The following VGLL4 variants were observed in gnomAD, a reference collection of about 807,000 sequenced individuals.
VGLL4 encodes transcription cofactor vestigial-like protein 4.
Under a neutral mutation model 21.0 loss-of-function variants are expected in VGLL4, and 7 were observed. That is an observed-to-expected ratio of 0.33 (90% CI 0.19 to 0.63). VGLL4 has a LOEUF of 0.63. Among genes scored for constraint, VGLL4 ranks in the 20% least tolerant of loss-of-function variants. The probability of loss-of-function intolerance (pLI) is 0.78; values close to 1 mark genes in which losing one functional copy is unlikely to be tolerated. For synonymous variants in VGLL4, 222 were observed against 173.2 expected (o/e 1.28, Z -2.21); for missense variants, 394 against 425.7 (o/e 0.93, Z 0.66).
At chr3:11,573,949 C>T (rs2073952055) in intron 2 of VGLL4, among the ~76,000 whole-genome samples, 1 of 152,162 alleles carries the variant, frequency 6.6e-6, no homozygotes, top group South Asian at 2.1e-4. Context: ...GATACAGTGA[C>T]AGACACATAC....
intron 1 of VGLL4, among the ~76,000 whole-genome samples, chr3:11,626,011 T>C (rs1423969486): frequency 6.6e-6 from 1 of 152,198 alleles, no homozygotes; most frequent in East Asian, 1.9e-4. Context: ...TACCATTAAA[T>C]TGTATAATTT....
At chr3:11,620,128 A>G (rs1473705261) in intron 1 of VGLL4, among the ~76,000 whole-genome samples, 1 of 152,004 alleles carries the variant, frequency 6.6e-6, no homozygotes, top group East Asian at 1.9e-4. Flanking sequence ...TTCATTTCGT[A>G]CTCCTATTTA....
At chr3:11,654,008 A>C (rs746222776) in intron 2 of VGLL4, among the ~76,000 whole-genome samples, 1 of 152,150 alleles carries the variant, frequency 6.6e-6, no homozygotes, top group Non-Finnish European at 1.5e-5. Context: ...GTTATTTCAA[A>C]TTTGGGGGTG....
chr3:11,715,956 GCATTTTAGCAC>G (rs1277032758), intron 1 of VGLL4, among the ~76,000 whole-genome samples: 1 of 152,046 alleles, frequency 6.6e-6, no homozygotes, highest in African/African-American at 2.4e-5. Context: ...ACATTAGACA[GCATTTTAGCAC>G]CATACTTACG....
chr3:11,655,519 C>T (rs1221691968), intron 2 of VGLL4, among the ~76,000 whole-genome samples: 6 of 152,224 alleles, frequency 3.9e-5, no homozygotes, highest in Admixed American at 3.9e-4. Context: ...CCACCACCCC[C>T]ATTCTCAGCC....
In VGLL4 at chr3:11,568,944, G is replaced by A. The variant is rs548187007; in HGVS notation, c.273-3925C>T. 2.8e-4 allele frequency: 345 copies of A among 1,220,920 alleles called. No homozygotes were observed. Among genetic ancestry groups the A allele is most frequent in the African/African-American group, 4.8e-4 (31 of 64,528 alleles). 75.6% of individuals were successfully genotyped at this position (1,220,920 alleles called of 1,614,324 possible). ...GGCACTTCCACTGCCAGCTGCCCAC[G>A]GAGAGAAAGATGGAAAGAGGAGGGA... On this transcript the variant is annotated intron_variant, in intron 2 of 4. Coordinates refer to ENST00000430365, the MANE Select transcript of VGLL4 (RefSeq NM_001128219.3). This position sits in a 1 kb window ranked among gnomAD's most constrained non-coding sequence, Gnocchi z 5.9.
At chr3:11,567,670 T>C (rs1213304450) in intron 2 of VGLL4, among the ~76,000 whole-genome samples, 2 of 152,204 alleles carry the variant, frequency 1.3e-5, no homozygotes, top group African/African-American at 4.8e-5. Flanking sequence ...CAGACACCGA[T>C]GTCACCAGAA....
At chr3:11,690,074 T>C (rs1383381056) in intron 2 of VGLL4, among the ~76,000 whole-genome samples, 2 of 152,224 alleles carry the variant, frequency 1.3e-5, no homozygotes, top group Non-Finnish European at 2.9e-5. Context: ...ATTGTATAAA[T>C]GTAATGCTTC....
intron 1 of VGLL4, among the ~76,000 whole-genome samples, chr3:11,630,198 T>C (rs964065555): frequency 2.0e-5 from 3 of 152,190 alleles, no homozygotes; most frequent in Non-Finnish European, 4.4e-5. Flanking sequence ...GGAATATATC[T>C]TTTTTTCACA....
At chr3:11,676,169 C>T (rs900830032) in intron 2 of VGLL4, among the ~76,000 whole-genome samples, 14 of 152,088 alleles carry the variant, frequency 9.2e-5, no homozygotes, top group African/African-American at 2.2e-4. Flanking sequence ...GTGTGGATCA[C>T]GAGGTCAGGA....
chr3:11,716,737 G>A (rs887175159), intron 1 of VGLL4, among the ~76,000 whole-genome samples: 1 of 152,006 alleles, frequency 6.6e-6, no homozygotes, highest in African/African-American at 2.4e-5. Context: ...TACCTTGGCA[G>A]TTTGTATCTG....
At chr3:11,656,057 C>T (rs2075952512) in intron 2 of VGLL4, among the ~76,000 whole-genome samples, 1 of 152,126 alleles carries the variant, frequency 6.6e-6, no homozygotes, top group Non-Finnish European at 1.5e-5. Flanking sequence ...CAGGAGGGAG[C>T]GCAGGTGCAC....
intron 2 of VGLL4, chr3:11,702,955 T>C (rs1575545800): frequency 5.6e-6 from 9 of 1,607,328 alleles, no homozygotes; most frequent in Non-Finnish European, 7.6e-6. Context: ...TATTTTATAA[T>C]AGACTCCTCA....
At chr3:11,681,541 G>A (rs2125381234) in intron 2 of VGLL4, among the ~76,000 whole-genome samples, 1 of 152,306 alleles carries the variant, frequency 6.6e-6, no homozygotes, top group Non-Finnish European at 1.5e-5. Context: ...AGGGCCTTGG[G>A]CCCACAGCAC....
intron 2 of VGLL4, among the ~76,000 whole-genome samples, chr3:11,676,753 AAAGAAT>A (rs1240067682): frequency 6.6e-6 from 1 of 152,102 alleles, no homozygotes; most frequent in African/African-American, 2.4e-5. Context: ...CTGAAAAGAA[AAAGAAT>A]ATTAAAAAAT....
At chr3:11,562,628 T>C (rs1319533463) in intron 3 of VGLL4, among the ~76,000 whole-genome samples, 1 of 152,228 alleles carries the variant, frequency 6.6e-6, no homozygotes, top group African/African-American at 2.4e-5. Context: ...CCAGCTCGGA[T>C]TGGTGTGCAT....
intron 1 of VGLL4, among the ~76,000 whole-genome samples, chr3:11,632,788 T>C (rs776156967): frequency 1.2e-4 from 18 of 152,186 alleles, no homozygotes; most frequent in Admixed American, 6.5e-4. Flanking sequence ...TGCTAGAACA[T>C]ACACTCCATA....
At chr3:11,634,580 C>T (rs1053619815) in intron 1 of VGLL4, among the ~76,000 whole-genome samples, 1 of 152,110 alleles carries the variant, frequency 6.6e-6, no homozygotes, top group Non-Finnish European at 1.5e-5. Context: ...CTTTTATGCC[C>T]GCCTACTCAC....
intron 2 of VGLL4, among the ~76,000 whole-genome samples, chr3:11,687,900 T>C (rs1312963885): frequency 6.6e-6 from 1 of 152,202 alleles, no homozygotes; most frequent in African/African-American, 2.4e-5. Context: ...CTTAATCTGT[T>C]CCACCATTAA....
Sources: gnomAD v4.1 joint callset for allele counts (sites outside exome capture counted in the v4.1 genomes callset) on GRCh38, gnomAD v4.1.1 for gene constraint, Gnocchi (gnomAD v3.1) non-coding constraint, MANE v1.5 for transcripts, NCBI Gene and HGNC (gene_info 2026-07-23, HGNC 2026-07-21) for gene names.